AP1M1: variants seen among roughly 807,000 people sequenced by gnomAD.
AP1M1 encodes adaptor related protein complex 1 subunit mu 1, also known as AP-1 complex subunit mu-1.
Under a neutral mutation model 57.1 loss-of-function variants are expected in AP1M1, and 18 were observed. The observed-to-expected ratio is 0.32, with a 90% confidence interval of 0.22 to 0.47. AP1M1 has a LOEUF of 0.47. Among genes scored for constraint, AP1M1 ranks in the 20% least tolerant of loss-of-function variants. The probability of loss-of-function intolerance (pLI) is 1.00; values close to 1 mark genes in which losing one functional copy is unlikely to be tolerated. For missense variants in AP1M1, 362 were observed against 593.5 expected, an observed-to-expected ratio of 0.61 and a Z score of 4.05; for synonymous variants, 241 against 237.9, an observed-to-expected ratio of 1.01 and a Z score of -0.12.
At chr19:16,222,388 A>AT (rs1311917873) in intron 5 of AP1M1, among the ~76,000 whole-genome samples, 4 of 148,438 alleles carry the variant, frequency 2.7e-5, no homozygotes, top group African/African-American at 5.0e-5. Context: ...TTAAAAAAAA[A>AT]TTTTTGTAGA....
Position 16,235,408 on chromosome 19 carries a change from GT to G in AP1M1, c.*977del. 1 of 152,358 alleles carries G rather than the reference GT, an allele frequency of 6.6e-6. No homozygotes were observed. The allele number at this position is 152,358 out of a possible 1,614,324, so 9.4% of individuals were successfully genotyped here. On this transcript the variant is annotated 3_prime_UTR_variant, in exon 12 of 12. Transcript: ENST00000291439. Reference sequence around the variant, plus strand: ...CCTGCGTGACCACAGGGCTTGCCTGGTTTTGTCGCCGACCTTCCCTGTGGCC... The same window carrying G: ...CCTGCGTGACCACAGGGCTTGCCTGGTTTGTCGCCGACCTTCCCTGTGGCC...
Position 16,233,628 on chromosome 19 carries a change from G to A in AP1M1, c.1173+10G>A. On this transcript the variant is annotated intron_variant, in intron 10 of 11. Coordinates refer to ENST00000291439, the MANE Select transcript of AP1M1 (RefSeq NM_032493.4). ...TACCTCCGGCATCCAGGTACGTAAG[G>A]CCCAGGCGGCCGGGGCCCAGAACAG... 3 of 1,607,168 alleles carry A rather than the reference G, an allele frequency of 1.9e-6. No individual in the cohort carries two copies. The highest frequency in any genetic ancestry group is 2.5e-6 in the Non-Finnish European group (3 of 1,176,596).
intron 9 of AP1M1, among the ~76,000 whole-genome samples, chr19:16,231,849 A>C (rs1169156873): frequency 6.6e-6 from 1 of 152,232 alleles, no homozygotes; most frequent in Non-Finnish European, 1.5e-5. Flanking sequence ...TTTTTGTGGA[A>C]GTGCCATAGT....
At chr19:16,199,586 C>A (rs2091438813) in intron 1 of AP1M1, among the ~76,000 whole-genome samples, 1 of 152,130 alleles carries the variant, frequency 6.6e-6, no homozygotes, top group African/African-American at 2.4e-5. Flanking sequence ...AAATGGCTGC[C>A]CCTTCCCGCC....
Position 16,206,436 on chromosome 19 carries a change from C to A in AP1M1, c.267+28C>A. 6.2e-7 allele frequency: 1 copy of A among 1,612,494 alleles called. No individual in the cohort carries two copies. The highest frequency in any genetic ancestry group is 8.5e-7 in the Non-Finnish European group (1 of 1,178,874). On this transcript the variant is annotated intron_variant, in intron 3 of 11. Coordinates refer to ENST00000291439, the MANE Select transcript of AP1M1 (RefSeq NM_032493.4). The surrounding 1 kb of genome is among the most constrained non-coding windows in gnomAD (Gnocchi z 4.3). ...GAGTCTCGCTCGGAGGGGCCGTGGG[C>A]TTGGGTGGAGGTTGTCTTGGCTCTG...
At chr19:16,217,916 C>G (rs1490253254) in intron 5 of AP1M1, among the ~76,000 whole-genome samples, 1 of 152,146 alleles carries the variant, frequency 6.6e-6, no homozygotes, top group Non-Finnish European at 1.5e-5. Context: ...TTGAGGCTAG[C>G]TAAAAGAGGT....
At chr19:16,217,219 C>G (rs893405927) in intron 5 of AP1M1, among the ~76,000 whole-genome samples, 1 of 151,990 alleles carries the variant, frequency 6.6e-6, no homozygotes, top group Non-Finnish European at 1.5e-5. Flanking sequence ...TGTGGGAGGC[C>G]CAGCATAGGT....
At chr19:16,215,463 C>CAAAAAAA (rs59357311) in intron 5 of AP1M1, among the ~76,000 whole-genome samples, 19 of 30,998 alleles carry the variant, frequency 6.1e-4, no homozygotes, top group African/African-American at 1.4e-3. Context: ...GATTCCATCT[C>CAAAAAAA]AAAAAAAAAA....
rs111686975 is a variant in AP1M1, at chr19:16,233,623, G to C, written c.1173+5G>C. On this transcript the variant is annotated splice_donor_5th_base_variant and intron_variant, in intron 10 of 11. Transcript: ENST00000291439. ...TTCACTACCTCCGGCATCCAGGTAC[G>C]TAAGGCCCAGGCGGCCGGGGCCCAG... is the stretch of plus-strand genomic sequence containing the variant. The C allele has an allele frequency of 1.2e-6, 2 of 1,609,012 alleles. No homozygotes were observed. The highest frequency in any genetic ancestry group is 3.4e-5 in the Admixed American group (2 of 59,274).
Position 16,234,484 on chromosome 19 carries a change from C to T in AP1M1, c.*49C>T, listed in dbSNP as rs527394286. 1 of 1,610,258 alleles carries T rather than the reference C, an allele frequency of 6.2e-7. No individual in the cohort carries two copies. Among genetic ancestry groups the T allele is most frequent in the African/African-American group, 1.3e-5 (1 of 74,938 alleles). On this transcript the variant is annotated 3_prime_UTR_variant, in exon 12 of 12. Coordinates refer to ENST00000291439, the MANE Select transcript of AP1M1 (RefSeq NM_032493.4). Reference sequence around the variant, plus strand: ...GGCCTCGGGGCTCCTGGTGGCAGCACCAGGGGACACACCTGCCAAACCCAC... The same window carrying T: ...GGCCTCGGGGCTCCTGGTGGCAGCATCAGGGGACACACCTGCCAAACCCAC...
At chr19:16,204,092 G>T (rs181582413) in intron 2 of AP1M1, among the ~76,000 whole-genome samples, 1 of 152,306 alleles carries the variant, frequency 6.6e-6, no homozygotes, top group African/African-American at 2.4e-5. Flanking sequence ...GCTTTTAGAT[G>T]TGTGTCTTCT....
In AP1M1 at chr19:16,227,138, C is replaced by G. The variant is rs571578956; in HGVS notation, c.674-410C>G. On this transcript the variant is annotated intron_variant, in intron 6 of 11. Coordinates refer to ENST00000291439, the MANE Select transcript of AP1M1 (RefSeq NM_032493.4). The surrounding 1 kb of genome is among the most constrained non-coding windows in gnomAD (Gnocchi z 6.2). ...GCTCCCCGCCTGGGGCTGGGCAGGG[C>G]CCCACCCACATAGCCCTCAGTGAGG... Among the ~76,000 whole-genome samples, 3 of 152,080 alleles carry G rather than the reference C, an allele frequency of 2.0e-5. No homozygotes were observed. Among genetic ancestry groups the G allele is most frequent in the Non-Finnish European group, 4.4e-5 (3 of 67,964 alleles).
chr19:16,219,064 GT>G (rs35202979), intron 5 of AP1M1, among the ~76,000 whole-genome samples: 40,932 of 142,832 alleles, frequency 0.29, 6,962 homozygotes, highest in East Asian at 0.6. Context: ...TTTGCTAACA[GT>G]TTTTTTTTTT....
intron 9 of AP1M1, among the ~76,000 whole-genome samples, chr19:16,233,077 C>T (rs1028744729): frequency 6.6e-6 from 1 of 152,234 alleles, no homozygotes; most frequent in African/African-American, 2.4e-5. Flanking sequence ...GGGCGTGTGG[C>T]CCCTGTCCCC....
chr19:16,228,362 C>T lies in AP1M1; in HGVS notation c.888+154C>T, dbSNP rs2091580435. 6.6e-6 allele frequency among the ~76,000 whole-genome samples: 1 copy of T among 152,308 alleles called. No homozygotes were observed. Among genetic ancestry groups the T allele is most frequent in the African/African-American group, 2.4e-5 (1 of 41,562 alleles). ...GTGACCTGACACTGAGGGGACACCGCCTGGGGCCTGCTCCTAGATGGTGCC... is the reference window on the plus strand; with the variant it reads ...GTGACCTGACACTGAGGGGACACCGTCTGGGGCCTGCTCCTAGATGGTGCC... On this transcript the variant is annotated intron_variant, in intron 8 of 11. Transcript: ENST00000291439. This position sits in a 1 kb window ranked among gnomAD's most constrained non-coding sequence, Gnocchi z 5.0.
At chr19:16,216,050 T>C (rs1177263279) in intron 5 of AP1M1, among the ~76,000 whole-genome samples, 1 of 152,210 alleles carries the variant, frequency 6.6e-6, no homozygotes, top group Non-Finnish European at 1.5e-5. Flanking sequence ...CTGGCTGTTT[T>C]GTCTGCCAGC....
In AP1M1 at chr19:16,228,248, T is replaced by G. The variant is rs2145137939; in HGVS notation, c.888+40T>G. 6.2e-7 allele frequency: 1 copy of G among 1,604,062 alleles called. No homozygotes were observed. The highest frequency in any genetic ancestry group is 8.5e-7 in the Non-Finnish European group (1 of 1,173,660). On this transcript the variant is annotated intron_variant, in intron 8 of 11. Transcript: ENST00000291439. The surrounding 1 kb of genome is among the most constrained non-coding windows in gnomAD (Gnocchi z 5.0). ...GCCACCCACTGAGGGCCTTCTGGTG[T>G]CTCTGGCCCGTCCCAGGAGCCTAAC...
In AP1M1 at chr19:16,244,023, G is replaced by A. The variant is rs2091654306; in HGVS notation, c.*9588G>A. 1 of 152,154 alleles carries A rather than the reference G, an allele frequency of 6.6e-6. No homozygotes were observed. Among genetic ancestry groups the A allele is most frequent in the Non-Finnish European group, 1.5e-5 (1 of 68,034 alleles). 9.4% of individuals were successfully genotyped at this position (152,154 alleles called of 1,614,324 possible). On this transcript the variant is annotated 3_prime_UTR_variant, in exon 12 of 12. Transcript: ENST00000291439. Reference sequence around the variant, plus strand: ...TCTCGAGAATCCATCAAGCATTGATGATTTGCACACTCTTTTGTGTATATG... The same window carrying A: ...TCTCGAGAATCCATCAAGCATTGATAATTTGCACACTCTTTTGTGTATATG...
intron 5 of AP1M1, among the ~76,000 whole-genome samples, chr19:16,216,011 G>T (rs1303966928): frequency 6.6e-6 from 1 of 152,088 alleles, no homozygotes; most frequent in Non-Finnish European, 1.5e-5. Flanking sequence ...TTTTTCAGCT[G>T]TATCAGGTCA....
Sources: gnomAD v4.1 joint callset for allele counts (sites outside exome capture counted in the v4.1 genomes callset) on GRCh38, gnomAD v4.1.1 for gene constraint, Gnocchi (gnomAD v3.1) non-coding constraint, MANE v1.5 for transcripts, NCBI Gene and HGNC (gene_info 2026-07-23, HGNC 2026-07-21) for gene names.